Variants in VPS13B observed in about 807,000 individuals in gnomAD.
VPS13B encodes the protein intermembrane lipid transfer protein VPS13B.
Under a neutral mutation model 426.4 loss-of-function variants are expected in VPS13B, and 285 were observed. That is an observed-to-expected ratio of 0.67 (90% CI 0.61 to 0.74). VPS13B has a LOEUF of 0.74. Among genes scored for constraint, VPS13B ranks in the 30% least tolerant of loss-of-function variants. The pLI is 0.00. For missense variants in VPS13B, 4,537 were observed against 4,782.6 expected (o/e 0.95, Z 1.51); for synonymous variants, 1,676 against 1,676.4 (o/e 1.00, Z 0.01).
intron 21 of VPS13B, among the ~76,000 whole-genome samples, chr8:99,428,082 A>G (rs1053694224): frequency 3.3e-5 from 5 of 152,244 alleles, no homozygotes; most frequent in East Asian, 1.9e-4. Context: ...CTGGCTAGCC[A>G]TATGTAGAAA....
At chr8:99,314,251 T>G in intron 19 of VPS13B, among the ~76,000 whole-genome samples, 1 of 152,158 alleles carries the variant, frequency 6.6e-6, no homozygotes, top group East Asian at 1.9e-4. Flanking sequence ...ACCCGTCTTC[T>G]GCGTCGCTCA....
At chr8:99,055,834 A>G (rs1031730637) in intron 3 of VPS13B, among the ~76,000 whole-genome samples, 9 of 151,752 alleles carry the variant, frequency 5.9e-5, no homozygotes, top group Admixed American at 1.3e-4. Context: ...GGCTCAAGCA[A>G]TGCTCCCACC....
intron 39 of VPS13B, among the ~76,000 whole-genome samples, chr8:99,722,872 A>G (rs571576783): frequency 6.6e-6 from 1 of 152,342 alleles, no homozygotes; most frequent in Admixed American, 6.5e-5. Flanking sequence ...TCAACATGAA[A>G]ATACGCATAC....
At chr8:99,515,397 T>TGCTTCC (rs1822007818) in intron 29 of VPS13B, among the ~76,000 whole-genome samples, 1 of 151,276 alleles carries the variant, frequency 6.6e-6, no homozygotes, top group South Asian at 2.1e-4. Context: ...CTGCTGCTTC[T>TGCTTCC]GCTTCCTCCT....
At chr8:99,849,668 A>T (rs1241081009) in intron 55 of VPS13B, among the ~76,000 whole-genome samples, 1 of 152,178 alleles carries the variant, frequency 6.6e-6, no homozygotes, top group Non-Finnish European at 1.5e-5. Flanking sequence ...GTGGGCAAAG[A>T]TATACACAGA....
At chr8:99,116,244 G>A (rs1423932088) in intron 7 of VPS13B, among the ~76,000 whole-genome samples, 1 of 151,512 alleles carries the variant, frequency 6.6e-6, no homozygotes, top group African/African-American at 2.4e-5. Context: ...ATGTTGGCCA[G>A]GCTGGTCTCA....
chr8:99,844,149 T>C (rs1815855891), intron 54 of VPS13B, among the ~76,000 whole-genome samples: 1 of 152,176 alleles, frequency 6.6e-6, no homozygotes. Flanking sequence ...TATTTGAGGC[T>C]TTATCTTAGT....
intron 19 of VPS13B, chr8:99,340,892 A>T: frequency 3.3e-6 from 1 of 301,734 alleles, no homozygotes; most frequent in Non-Finnish European, 6.9e-6. Flanking sequence ...TGGTTGTCTG[A>T]CTCTCTGTGG....
In VPS13B at chr8:99,633,802, G is replaced by A. The variant is rs988687598; in HGVS notation, c.5221-8009G>A. On this transcript the variant is annotated intron_variant, in intron 33 of 61. Transcript: ENST00000357162. ...ATTAAGGTCCAAGTTGCCAGAATGTGTCAGGTGTGTGTGTGTGTGTGTGTG... is the reference window on the plus strand; with the variant it reads ...ATTAAGGTCCAAGTTGCCAGAATGTATCAGGTGTGTGTGTGTGTGTGTGTG... 6.2e-5 allele frequency among the ~76,000 whole-genome samples: 4 copies of A among 64,752 alleles called. No homozygotes were observed. In the Admixed American group the frequency reaches 6.2e-4, roughly 10 times the overall value. The allele number at this position is 64,752 out of a possible 152,430, so 42.5% of individuals were successfully genotyped here.
chr8:99,015,699 C>T (rs975305516), intron 2 of VPS13B, among the ~76,000 whole-genome samples: 8 of 151,586 alleles, frequency 5.3e-5, no homozygotes, highest in African/African-American at 1.7e-4. Flanking sequence ...GTCAGGAGTT[C>T]GAGACCAGCC....
intron 30 of VPS13B, among the ~76,000 whole-genome samples, chr8:99,545,683 A>G (rs1356512584): frequency 6.6e-6 from 1 of 152,060 alleles, no homozygotes; most frequent in African/African-American, 2.4e-5. Context: ...TCTGGCAAAC[A>G]GCCTTAATAC....
rs568192794 is a variant in VPS13B at position 99,507,880 on chromosome 8, C to A, written c.4224+677C>A. 5 of 1,614,028 alleles carry A rather than the reference C, an allele frequency of 3.1e-6. No homozygotes were observed. In the South Asian group the frequency reaches 5.5e-5, roughly 18 times the overall value. On this transcript the variant is annotated intron_variant, in intron 28 of 61. Transcript: ENST00000357162. ...GTTCGACCCATCAGCAAGCAGGACCCTTTCAGTAATTGCTCTGGCTTCTTT... is the reference window on the plus strand; with the variant it reads ...GTTCGACCCATCAGCAAGCAGGACCATTTCAGTAATTGCTCTGGCTTCTTT...
Position 99,727,024 on chromosome 8 carries a change from A to G in VPS13B, c.7050+5977A>G, listed in dbSNP as rs141868760. On this transcript the variant is annotated intron_variant, in intron 39 of 61. Coordinates refer to ENST00000357162, the MANE Select transcript of VPS13B (RefSeq NM_152564.5). The stretch of plus-strand genomic sequence containing the variant: ...CTGTGCTGGGTACTTTACATACATA[A>G]TAACTCATTAAATTTAATTTTACTC... 7.9e-5 allele frequency among the ~76,000 whole-genome samples: 12 copies of G among 152,322 alleles called. No homozygotes were observed. In the East Asian group the frequency reaches 2.3e-3, roughly 29 times the overall value.
At chr8:99,607,874 A>T (rs969406390) in intron 33 of VPS13B, among the ~76,000 whole-genome samples, 3 of 152,112 alleles carry the variant, frequency 2.0e-5, no homozygotes, top group Admixed American at 2.0e-4. Flanking sequence ...TCCAAATTAT[A>T]ACAATTATAT....
At chr8:99,813,189 T>C (rs1317640475) in intron 44 of VPS13B, among the ~76,000 whole-genome samples, 2 of 152,182 alleles carry the variant, frequency 1.3e-5, no homozygotes, top group Non-Finnish European at 2.9e-5. Flanking sequence ...AAAGTAGCCT[T>C]CCCTCCCTGG....
intron 25 of VPS13B, among the ~76,000 whole-genome samples, chr8:99,497,158 TA>T (rs903369787): frequency 1.6e-5 from 2 of 127,062 alleles, no homozygotes; most frequent in African/African-American, 6.7e-5. Context: ...TTATGTAATA[TA>T]AAAATATATT....
intron 43 of VPS13B, among the ~76,000 whole-genome samples, chr8:99,795,554 G>A (rs1475966117): frequency 2.0e-5 from 3 of 152,132 alleles, no homozygotes; most frequent in Non-Finnish European, 4.4e-5. Flanking sequence ...CCCAAAACTT[G>A]AGTAGTTAAA....
chr8:99,686,447 T>G (rs1831406352), intron 35 of VPS13B, among the ~76,000 whole-genome samples: 1 of 151,218 alleles, frequency 6.6e-6, no homozygotes, highest in Non-Finnish European at 1.5e-5. Flanking sequence ...GCAGTGAAAT[T>G]TCTCTTGTCC....
chr8:99,445,697 T>C (rs1379844194), intron 23 of VPS13B, among the ~76,000 whole-genome samples: 1 of 152,104 alleles, frequency 6.6e-6, no homozygotes, highest in Non-Finnish European at 1.5e-5. Flanking sequence ...ATATTTAATT[T>C]ATTTAATGAT....
Sources: gnomAD v4.1 joint callset for allele counts (sites outside exome capture counted in the v4.1 genomes callset) on GRCh38, gnomAD v4.1.1 for gene constraint, MANE v1.5 for transcripts, NCBI Gene and HGNC (gene_info 2026-07-23, HGNC 2026-07-21) for gene names.